The following FERMT1 variants were observed in gnomAD, a reference collection of about 807,000 sequenced individuals.
FERMT1 encodes the protein FERM domain containing kindlin 1, also known as fermitin family homolog 1.
Under a neutral mutation model 85.3 loss-of-function variants are expected in FERMT1, and 60 were observed. The ratio of observed to expected loss-of-function variants is 0.70; its 90% CI spans 0.57 to 0.87. The LOEUF (loss-of-function observed/expected upper bound fraction) is 0.87, where lower values mean the gene tolerates loss of function less well. FERMT1 is among the 40% of genes least tolerant of loss of function. FERMT1 has a pLI of 0.00. For missense variants in FERMT1, 701 were observed against 818.9 expected (o/e 0.86, Z 1.76); for synonymous variants, 275 against 301.1 (o/e 0.91, Z 0.90).
At chr20:6,079,718 A>AG (rs1600423045) in intron 13 of FERMT1, 141 bp from the exon 14 acceptor site, 1 of 825,544 alleles carries the variant, frequency 1.2e-6, no homozygotes, top group Non-Finnish European at 1.9e-6. Context: ...AACTTTCTGC[A>AG]GGGGGGCATT....
intron 3 of FERMT1, 141 bp from the exon 4 acceptor site, chr20:6,112,764 G>A (rs1325393072): frequency 3.4e-6 from 2 of 580,152 alleles, no homozygotes; most frequent in African/African-American, 1.9e-5. Flanking sequence ...CCCTTTTGAA[G>A]AAACAGAAGG....
rs1982913851 is a variant in FERMT1 at position 6,110,396 on chromosome 20, G to A, written c.648C>T (p.Cys216=). ...FSDSPLTEQN[C]SILAFSQPPQ... ...GGGGTTGGCTGAATGCGAGGATGCT[G>A]CAGTTTTGTTCCGTCAAAGGGCTGT... Residue 216 remains cysteine (C), a synonymous_variant, in exon 5 of 15, where the codon TGC becomes TGT. Coordinates refer to ENST00000217289, the MANE Select transcript of FERMT1 (RefSeq NM_017671.5). 1.2e-6 allele frequency: 2 copies of A among 1,614,042 alleles called. No homozygotes were observed. The highest frequency in any genetic ancestry group is 1.7e-6 in the Non-Finnish European group (2 of 1,179,968).
At chr20:6,101,356 T>G (rs1305097577) in intron 6 of FERMT1, among the ~76,000 whole-genome samples, 1 of 152,340 alleles carries the variant, frequency 6.6e-6, no homozygotes, top group Non-Finnish European at 1.5e-5. Flanking sequence ...GCCTTTCCTT[T>G]GATTTTTTTT....
At chr20:6,112,326 T>A in intron 4 of FERMT1, 151 bp downstream of exon 4, 1 of 752,748 alleles carries the variant, frequency 1.3e-6, no homozygotes, top group East Asian at 2.5e-5. Context: ...ACATTTCTGT[T>A]AATTCTAAAC....
At chr20:6,119,001 G>T (rs1415914888) in intron 2 of FERMT1, among the ~76,000 whole-genome samples, 1 of 150,426 alleles carries the variant, frequency 6.6e-6, no homozygotes, top group African/African-American at 2.5e-5. Context: ...AAGCTGGAGT[G>T]CAGTGGCACG....
At position 6,077,187 on chromosome 20, in the gene FERMT1, C is replaced by T. The variant is rs376128513; in HGVS notation, c.2020G>A (p.Gly674Ser). Residue 674 changes from glycine to serine, a missense_variant, in exon 15 of 15, where the codon GGC (glycine) becomes AGC (serine). By Grantham distance (56) the Gly-to-Ser change is moderately conservative. Transcript: ENST00000217289. The part of the protein sequence containing the change: ...LDEDLFHKLT[G>S]GQD ...GCGTGCTTGTTTCAATCCTGACCGC[C>T]GGTCAATTTGTGGAACAAGTCCTCA... 20 of 1,613,986 alleles carry T rather than the reference C, an allele frequency of 1.2e-5. No individual in the cohort carries two copies. The highest frequency in any genetic ancestry group is 6.7e-5 in the Admixed American group (4 of 60,026).
At chr20:6,099,525 T>C (rs1409575503) in intron 6 of FERMT1, among the ~76,000 whole-genome samples, 1 of 152,110 alleles carries the variant, frequency 6.6e-6, no homozygotes, top group Non-Finnish European at 1.5e-5. Context: ...ACTTCACTTA[T>C]ATAAACTATC....
chr20:6,089,362 G>A (rs749553968), intron 9 of FERMT1, among the ~76,000 whole-genome samples: 4 of 152,174 alleles, frequency 2.6e-5, no homozygotes, highest in Non-Finnish European at 4.4e-5. Context: ...CCTGGGCTGC[G>A]TGCACTGCCT....
chr20:6,086,667 G>A (rs187522791), intron 11 of FERMT1, among the ~76,000 whole-genome samples: 13 of 152,216 alleles, frequency 8.5e-5, no homozygotes, highest in East Asian at 1.9e-4. Context: ...TATACCTCTC[G>A]CTGTTCTTGT....
intron 6 of FERMT1, among the ~76,000 whole-genome samples, chr20:6,102,804 T>C (rs572842867): frequency 8.2e-4 from 125 of 151,972 alleles, no homozygotes; most frequent in Non-Finnish European, 1.5e-3. Context: ...GTCAGTTCAG[T>C]AAACCCTCCA....
At chr20:6,099,297 G>C (rs1233271704) in intron 6 of FERMT1, among the ~76,000 whole-genome samples, 11 of 151,926 alleles carry the variant, frequency 7.2e-5, no homozygotes, top group African/African-American at 2.7e-4. Context: ...CAGCTACTTG[G>C]GGGAGGGTGA....
intron 4 of FERMT1, among the ~76,000 whole-genome samples, chr20:6,111,557 G>A (rs1448795759): frequency 2.6e-5 from 4 of 152,092 alleles, no homozygotes; most frequent in African/African-American, 2.4e-5. Flanking sequence ...ACTTGAGCCC[G>A]GGAGGCAGAG....
chr20:6,111,556 C>T (rs1306304817), intron 4 of FERMT1, among the ~76,000 whole-genome samples: 2 of 151,944 alleles, frequency 1.3e-5, no homozygotes, highest in African/African-American at 2.4e-5. Flanking sequence ...CACTTGAGCC[C>T]GGGAGGCAGA....
intron 6 of FERMT1, among the ~76,000 whole-genome samples, chr20:6,101,955 C>G (rs866090052): frequency 6.6e-6 from 1 of 151,972 alleles, no homozygotes; most frequent in South Asian, 2.1e-4. Context: ...TGTGCCCGCC[C>G]TATGTTTGAG....
rs1330645419 is a variant in FERMT1, at chr20:6,097,561, C to T, written c.920G>A (p.Cys307Tyr). 6.2e-7 allele frequency: 1 copy of T among 1,613,856 alleles called. No homozygotes were observed. The highest frequency in any genetic ancestry group is 8.5e-7 in the Non-Finnish European group (1 of 1,179,912). The change falls in exon 7 of 15, where the codon TGC becomes TAC. Residue 307 changes from cysteine (C) to tyrosine (Y), a missense_variant. By Grantham distance (194) the Cys-to-Tyr change is radical (BLOSUM62 -2). Transcript: ENST00000217289. ...AAAGATCAACATTTCTTCCTCTGTG[C>T]AATCAATTTCTTCTAAGAGAATGGC... ...RWAILLEEID[C>Y]TEEEMLIFAA... is the part of the protein sequence containing the mutation.
In FERMT1 at chr20:6,107,924, G is replaced by A. The variant is rs8122959; in HGVS notation, c.747-290C>T. ...TCTATCACCTAGGCTTTAGTGCAGTGGTGCAGTCTCGGCTCACTGCAGCCT... is the reference window on the plus strand; with the variant it reads ...TCTATCACCTAGGCTTTAGTGCAGTAGTGCAGTCTCGGCTCACTGCAGCCT... On this transcript the variant is annotated intron_variant, in intron 5 of 14. Transcript: ENST00000217289. Among the ~76,000 whole-genome samples, 15,111 of 152,130 alleles carry A rather than the reference G, an allele frequency of 0.099. 811 individuals carry two copies. Among genetic ancestry groups the A allele is most frequent in the African/African-American group, 0.14 (5,822 of 41,450 alleles).
At chr20:6,108,301 T>G (rs577056149) in intron 5 of FERMT1, among the ~76,000 whole-genome samples, 4 of 152,388 alleles carry the variant, frequency 2.6e-5, no homozygotes, top group Admixed American at 1.3e-4. Flanking sequence ...TCAAGCATTT[T>G]GGATAAGGGA....
At chr20:6,085,710 C>T (rs953795217) in intron 11 of FERMT1, among the ~76,000 whole-genome samples, 3 of 151,882 alleles carry the variant, frequency 2.0e-5, no homozygotes, top group South Asian at 2.1e-4. Flanking sequence ...ATTAGCTGTG[C>T]GTAGTGGCAG....
Position 6,096,900 on chromosome 20 carries a change from AC to A in FERMT1, c.1089+1del, listed in dbSNP as rs1982515834. The A allele has an allele frequency of 6.2e-7, 1 of 1,612,982 alleles. No individual in the cohort carries two copies. Among genetic ancestry groups the A allele is most frequent in the East Asian group, 2.2e-5 (1 of 44,796 alleles). The stretch of plus-strand genomic sequence containing the variant: ...TTCTGGGTGATCAGAAAAAGTTCAT[AC>A]CAAAAGGCTGTCCGCTTTTCCACCT... On this transcript the variant is annotated splice_donor_variant, in intron 8 of 14. Transcript: ENST00000217289. LOFTEE classifies it high-confidence loss of function.
Sources: allele counts gnomAD v4.1 joint callset (sites outside exome capture counted in the v4.1 genomes callset), GRCh38; gene constraint gnomAD v4.1.1; transcripts MANE v1.5; gene names NCBI Gene and HGNC (gene_info 2026-07-23, HGNC 2026-07-21).